LRRC9: variants seen among roughly 807,000 people sequenced by gnomAD.
LRRC9 encodes leucine-rich repeat-containing protein 9.
LRRC9 carries 122 observed loss-of-function variants against 63.2 expected under a neutral mutation model. That is an observed-to-expected ratio of 1.93 (90% CI 1.67 to 2.24). The LOEUF is 2.24. Ranked by LOEUF, LRRC9 falls within the 30% of genes most tolerant of loss-of-function variation. The pLI is 0.00. For missense variants in LRRC9, 1,071 were observed against 627.7 expected (o/e 1.71, Z -7.55); for synonymous variants, 366 against 213.1 (o/e 1.72, Z -6.25).
intron 2 of LRRC9, 73 bp downstream of exon 2, chr14:59,928,064 T>C: frequency 4.7e-6 from 3 of 644,866 alleles, no homozygotes; most frequent in Non-Finnish European, 8.3e-6. Flanking sequence ...TGCTCCTTTC[T>C]AGAGCTGGAA....
intron 29 of LRRC9, among the ~76,000 whole-genome samples, chr14:60,045,526 T>G (rs1167419082): frequency 6.6e-6 from 1 of 152,204 alleles, no homozygotes; most frequent in Non-Finnish European, 1.5e-5. Flanking sequence ...CATGTGGTGT[T>G]TGGTTTTCTG....
At chr14:59,960,308 C>G (rs1000343146) in intron 9 of LRRC9, among the ~76,000 whole-genome samples, 23 of 152,176 alleles carry the variant, frequency 1.5e-4, no homozygotes, top group Non-Finnish European at 2.9e-4. Context: ...AATAGAGCCT[C>G]TGCTGGTGGA....
At chr14:59,999,437 G>T (rs1889136751) in intron 19 of LRRC9, among the ~76,000 whole-genome samples, 2 of 151,848 alleles carry the variant, frequency 1.3e-5, no homozygotes, top group African/African-American at 4.8e-5. Flanking sequence ...GACTATCCAT[G>T]AACACTACAC....
intron 17 of LRRC9, among the ~76,000 whole-genome samples, chr14:59,992,935 C>T (rs1888317267): frequency 6.6e-6 from 1 of 152,140 alleles, no homozygotes; most frequent in South Asian, 2.1e-4. Flanking sequence ...GGCCAACATT[C>T]AAATTCAGGA....
At chr14:60,050,623 T>C (rs534882660) in intron 29 of LRRC9, among the ~76,000 whole-genome samples, 8 of 152,272 alleles carry the variant, frequency 5.3e-5, no homozygotes, top group African/African-American at 1.9e-4. Flanking sequence ...TTATTTGGTG[T>C]TGTGGTCATT....
Position 60,042,074 on chromosome 14 carries a change from G to A in LRRC9, c.3990+10011G>A, listed in dbSNP as rs995160628. 3.3e-5 allele frequency among the ~76,000 whole-genome samples: 5 copies of A among 152,224 alleles called. No homozygotes were observed. The highest frequency in any genetic ancestry group is 1.2e-4 in the African/African-American group (5 of 41,454). Reference sequence around the variant, plus strand: ...AGGCTGCAGAACAGCAAAGATTGCAGAACGGCAAATGTTGCTGCTTGATCC... The same window carrying A: ...AGGCTGCAGAACAGCAAAGATTGCAAAACGGCAAATGTTGCTGCTTGATCC... On this transcript the variant is annotated intron_variant, in intron 29 of 31. Coordinates refer to ENST00000445360, the Ensembl canonical transcript of LRRC9. The surrounding 1 kb of genome is among the most constrained non-coding windows in gnomAD (Gnocchi z 4.2).
At chr14:59,993,124 A>G (rs1227576700) in intron 17 of LRRC9, among the ~76,000 whole-genome samples, 3 of 152,252 alleles carry the variant, frequency 2.0e-5, no homozygotes, top group Non-Finnish European at 4.4e-5. Flanking sequence ...CAGAAACTCT[A>G]CAAGCCAGAA....
In LRRC9 at chr14:60,017,939, C is replaced by T. The variant is rs565188119; in HGVS notation, c.3318-432C>T. ...CCTGCTTTTCCTTTCCTTTCCTATC[C>T]CTAACCACTTCCTGGTATTTCAGAA... On this transcript the variant is annotated intron_variant, in intron 24 of 31. Coordinates refer to ENST00000445360, the Ensembl canonical transcript of LRRC9. This position sits in a 1 kb window ranked among gnomAD's most constrained non-coding sequence, Gnocchi z 4.0. Among the ~76,000 whole-genome samples the T allele has an allele frequency of 6.6e-6, 1 of 152,148 alleles. No individual in the cohort carries two copies. Among genetic ancestry groups the T allele is most frequent in the South Asian group, 2.1e-4 (1 of 4,824 alleles).
chr14:60,036,109 C>G (rs2140349597), intron 29 of LRRC9, among the ~76,000 whole-genome samples: 1 of 152,144 alleles, frequency 6.6e-6, no homozygotes, highest in Non-Finnish European at 1.5e-5. Context: ...CTCCTGGTCT[C>G]TTCTATACTC....
chr14:60,043,314 A>G (rs958997831), intron 29 of LRRC9, among the ~76,000 whole-genome samples: 2 of 152,150 alleles, frequency 1.3e-5, no homozygotes, highest in Admixed American at 6.5e-5. Context: ...TGCTCCAGAC[A>G]TTACTTCCAC....
In LRRC9 at chr14:60,058,736, T is replaced by TA. The variant is rs1279824024; in HGVS notation, c.4276+715dup. On this transcript the variant is annotated intron_variant, in intron 31 of 31. Transcript: ENST00000445360. The surrounding 1 kb of genome is among the most constrained non-coding windows in gnomAD (Gnocchi z 4.4). ...TTCCCATTTGTCCTCAGACCACTCT[T>TA]AGACAATAAAACTGAACATCACAAT... Among the ~76,000 whole-genome samples the TA allele has an allele frequency of 6.6e-6, 1 of 152,108 alleles. No homozygotes were observed. The highest frequency in any genetic ancestry group is 2.4e-5 in the African/African-American group (1 of 41,414).
chr14:60,054,209 T>C (rs1247299925), intron 30 of LRRC9, among the ~76,000 whole-genome samples: 1 of 152,220 alleles, frequency 6.6e-6, no homozygotes, highest in East Asian at 1.9e-4. Context: ...ACTTGTAGGC[T>C]CCTCTCTAGT....
chr14:60,009,032 A>G (rs950556039), intron 23 of LRRC9, among the ~76,000 whole-genome samples: 7 of 152,186 alleles, frequency 4.6e-5, no homozygotes, highest in African/African-American at 1.4e-4. Flanking sequence ...TCACTGAAAA[A>G]TGTTTTTTAA....
At chr14:59,924,326 T>C (rs1358962353) in intron 1 of LRRC9, among the ~76,000 whole-genome samples, 1 of 152,234 alleles carries the variant, frequency 6.6e-6, no homozygotes, top group Non-Finnish European at 1.5e-5. Flanking sequence ...GACTATGGCC[T>C]GCATCTATGT....
At chr14:59,961,659 C>T (rs1884365238) in intron 10 of LRRC9, among the ~76,000 whole-genome samples, 1 of 151,920 alleles carries the variant, frequency 6.6e-6, no homozygotes, top group African/African-American at 2.4e-5. Context: ...TGGAGAGACA[C>T]CAGAATCAAG....
chr14:60,049,913 T>A (rs912239336), intron 29 of LRRC9, among the ~76,000 whole-genome samples: 1 of 152,176 alleles, frequency 6.6e-6, no homozygotes, highest in Admixed American at 6.5e-5. Flanking sequence ...AGGTTCGATC[T>A]TTTTATATAA....
intron 28 of LRRC9, among the ~76,000 whole-genome samples, chr14:60,028,913 T>C (rs575045500): frequency 6.6e-6 from 1 of 152,242 alleles, no homozygotes; most frequent in South Asian, 2.1e-4. Flanking sequence ...CTGTTTGCTA[T>C]AGAGTTCAGG....
intron 29 of LRRC9, among the ~76,000 whole-genome samples, chr14:60,039,877 T>C (rs1392641422): frequency 6.6e-6 from 1 of 152,226 alleles, no homozygotes; most frequent in Admixed American, 6.5e-5. Context: ...TTTAGATGTT[T>C]CCTGCTTTCT....
At chr14:59,951,453 G>A (rs963862248) in intron 8 of LRRC9, among the ~76,000 whole-genome samples, 6 of 127,780 alleles carry the variant, frequency 4.7e-5, no homozygotes, top group South Asian at 2.8e-4. Flanking sequence ...ATGTCCTCCC[G>A]TAGCTCAGAG....
Sources: gnomAD v4.1 joint callset for allele counts (sites outside exome capture counted in the v4.1 genomes callset) on GRCh38, gnomAD v4.1.1 for gene constraint, Gnocchi (gnomAD v3.1) non-coding constraint, MANE v1.5 for transcripts, NCBI Gene and HGNC (gene_info 2026-07-23, HGNC 2026-07-21) for gene names.